RCAN2: variants seen among roughly 807,000 people sequenced by gnomAD.
RCAN2 encodes regulator of calcineurin 2.
A neutral mutation model predicts 23.6 loss-of-function variants in RCAN2; 9 were observed. The observed-to-expected ratio is 0.38, with a 90% CI of 0.23 to 0.67. The LOEUF (loss-of-function observed/expected upper bound fraction) is 0.67, where lower values mean the gene tolerates loss of function less well. Among genes scored for constraint, RCAN2 ranks in the 30% least tolerant of loss-of-function variants. The pLI is 0.51. For missense variants in RCAN2, 273 were observed against 302.3 expected, an observed-to-expected ratio of 0.90 and a Z score of 0.72; for synonymous variants, 109 against 115.7, an observed-to-expected ratio of 0.94 and a Z score of 0.37.
chr6:46,232,234 C>T (rs1049623836), intron 4 of RCAN2, among the ~76,000 whole-genome samples: 7 of 152,212 alleles, frequency 4.6e-5, no homozygotes, highest in Non-Finnish European at 7.3e-5. Context: ...TACGCATATG[C>T]GGTATAGTGC....
intron 2 of RCAN2, among the ~76,000 whole-genome samples, chr6:46,341,198 C>T (rs1354114879): frequency 1.3e-5 from 2 of 152,078 alleles, no homozygotes; most frequent in African/African-American, 4.8e-5. Context: ...CTGCCAATGC[C>T]CTATACTTTA....
rs548263558 is a variant in RCAN2 at position 46,480,444 on chromosome 6, A to G, written c.-3+10729T>C. Among the ~76,000 whole-genome samples the G allele has an allele frequency of 7.9e-5, 12 of 152,350 alleles. No homozygotes were observed. In the South Asian group the frequency reaches 2.1e-3, roughly 26 times the overall value. On this transcript the variant is annotated intron_variant, in intron 1 of 4. Transcript: ENST00000371374. ...CTTACCAAAACATAAGCATTTCAAA[A>G]TAATTTGAGTTTCAGACAGAAGAAG...
Position 46,280,649 on chromosome 6 carries a change from G to A in RCAN2, c.226-31753C>T, listed in dbSNP as rs184058755. Among the ~76,000 whole-genome samples the A allele has an allele frequency of 2.5e-3, 378 of 152,316 alleles. 4 individuals carry two copies. The highest frequency in any genetic ancestry group is 4.1e-4 in the Non-Finnish European group (28 of 68,028). On this transcript the variant is annotated intron_variant, in intron 2 of 4. Transcript: ENST00000371374. Reference sequence around the variant, plus strand: ...AGGGGATTCTGCTGGTTCCAATGAAGCCTTGGAGAATACTGCCAAGATGCT... The same window carrying A: ...AGGGGATTCTGCTGGTTCCAATGAAACCTTGGAGAATACTGCCAAGATGCT...
At chr6:46,286,753 A>G (rs1762387917) in intron 2 of RCAN2, among the ~76,000 whole-genome samples, 1 of 152,212 alleles carries the variant, frequency 6.6e-6, no homozygotes, top group Non-Finnish European at 1.5e-5. Flanking sequence ...CTGTAATCCC[A>G]GCACTTTGGG....
At chr6:46,307,630 C>T (rs1763115030) in intron 2 of RCAN2, among the ~76,000 whole-genome samples, 1 of 152,114 alleles carries the variant, frequency 6.6e-6, no homozygotes, top group African/African-American at 2.4e-5. Context: ...AAACAGACAA[C>T]ATTTACTTCT....
intron 2 of RCAN2, among the ~76,000 whole-genome samples, chr6:46,363,556 A>G (rs1443978330): frequency 6.6e-6 from 1 of 152,176 alleles, no homozygotes; most frequent in Non-Finnish European, 1.5e-5. Context: ...TTAGCTGAAA[A>G]GATGAGCATG....
At chr6:46,488,131 A>T (rs59108889) in intron 1 of RCAN2, among the ~76,000 whole-genome samples, 3 of 152,150 alleles carry the variant, frequency 2.0e-5, no homozygotes, top group African/African-American at 7.2e-5. Context: ...CCTAGGGCAA[A>T]AAACACATTC....
chr6:46,400,172 G>C (rs188406803), intron 2 of RCAN2, among the ~76,000 whole-genome samples: 1 of 152,164 alleles, frequency 6.6e-6, no homozygotes, highest in African/African-American at 2.4e-5. Flanking sequence ...CTTCTACTGT[G>C]GGGTGAGGGG....
Position 46,297,513 on chromosome 6 carries a change from C to G in RCAN2, c.226-48617G>C, listed in dbSNP as rs184681441. The stretch of plus-strand genomic sequence containing the variant: ...CCGGGTGGGTAGAATAGACACCCCC[C>G]GCTTTGCCTAAAGAAAGGAAAGGGG... On this transcript the variant is annotated intron_variant, in intron 2 of 4. Transcript: ENST00000371374. 4.3e-4 allele frequency among the ~76,000 whole-genome samples: 66 copies of G among 152,090 alleles called. No homozygotes were observed. The South Asian group carries it at 0.013, about 31-fold the overall frequency.
chr6:46,395,124 C>T (rs1766050670), intron 2 of RCAN2, among the ~76,000 whole-genome samples: 1 of 152,048 alleles, frequency 6.6e-6, no homozygotes, highest in Admixed American at 6.6e-5. Context: ...GTTTGAAATG[C>T]CTTGACATCA....
chr6:46,383,500 C>G (rs994908179), intron 2 of RCAN2, among the ~76,000 whole-genome samples: 3 of 152,166 alleles, frequency 2.0e-5, no homozygotes, highest in South Asian at 2.1e-4. Flanking sequence ...AAGCATAATT[C>G]TAGTCATCTG....
intron 2 of RCAN2, among the ~76,000 whole-genome samples, chr6:46,258,862 A>T (rs13205837): frequency 6.6e-6 from 1 of 152,170 alleles, no homozygotes; most frequent in East Asian, 1.9e-4. Context: ...AAACAAAATA[A>T]CCCAAACACC....
At chr6:46,421,036 G>C (rs923368983) in intron 2 of RCAN2, among the ~76,000 whole-genome samples, 1 of 152,158 alleles carries the variant, frequency 6.6e-6, no homozygotes, top group African/African-American at 2.4e-5. Flanking sequence ...AGGATATTCA[G>C]TAAGTTCCAG....
rs1199422060 is a variant in RCAN2 at position 46,491,433 on chromosome 6, C to CGGGACAAAGCGGCTCCA, written c.-264_-263insTGGAGCCGCTTTGTCCC. On this transcript the variant is annotated 5_prime_UTR_variant, in exon 1 of 5. Transcript: ENST00000371374. ...CCCCGCAACCTCCGCCGCCGTCACC[C>CGGGACAAAGCGGCTCCA]GGGACAAAGCGGCTCCAGGGAGGGG... The CGGGACAAAGCGGCTCCA allele has an allele frequency of 3.3e-5, 5 of 152,154 alleles. No individual in the cohort carries two copies. Among genetic ancestry groups the CGGGACAAAGCGGCTCCA allele is most frequent in the Non-Finnish European group, 7.3e-5 (5 of 68,106 alleles). 9.4% of individuals were successfully genotyped at this position (152,154 alleles called of 1,614,324 possible).
chr6:46,444,198 C>T (rs1284851272), intron 2 of RCAN2, among the ~76,000 whole-genome samples: 1 of 152,148 alleles, frequency 6.6e-6, no homozygotes, highest in Non-Finnish European at 1.5e-5. Flanking sequence ...CTCCCTGAGT[C>T]AAGACAAACG....
chr6:46,226,405 T>C (rs1309303571), intron 4 of RCAN2, among the ~76,000 whole-genome samples: 2 of 152,236 alleles, frequency 1.3e-5, no homozygotes, highest in Non-Finnish European at 2.9e-5. Flanking sequence ...TATTGATTCT[T>C]CCTATCCATG....
chr6:46,374,612 C>T (rs768807088), intron 2 of RCAN2, among the ~76,000 whole-genome samples: 5 of 152,096 alleles, frequency 3.3e-5, no homozygotes, highest in Non-Finnish European at 5.9e-5. Context: ...CTAGATTCCA[C>T]GGGTGTAATA....
At chr6:46,472,446 T>G (rs1341030666) in intron 1 of RCAN2, among the ~76,000 whole-genome samples, 3 of 152,208 alleles carry the variant, frequency 2.0e-5, no homozygotes, top group Admixed American at 2.0e-4. Context: ...AGTCCCTTTG[T>G]AGTGCCTGTG....
At chr6:46,262,269 C>T (rs1767134289) in intron 2 of RCAN2, among the ~76,000 whole-genome samples, 1 of 152,054 alleles carries the variant, frequency 6.6e-6, no homozygotes, top group Non-Finnish European at 1.5e-5. Flanking sequence ...CTTCTTTCTC[C>T]CTCACTTCCA....
Sources: allele counts gnomAD v4.1 joint callset (sites outside exome capture counted in the v4.1 genomes callset), GRCh38; gene constraint gnomAD v4.1.1; transcripts MANE v1.5; gene names NCBI Gene and HGNC (gene_info 2026-07-23, HGNC 2026-07-21).